Variants in SYNPR observed in about 807,000 individuals in gnomAD.
SYNPR encodes the protein synaptoporin.
SYNPR carries 23 observed loss-of-function variants against 32.9 expected under a neutral mutation model. The observed-to-expected ratio is 0.70, with a 90% CI of 0.50 to 0.99. The LOEUF (loss-of-function observed/expected upper bound fraction) is 0.99, where lower values mean the gene tolerates loss of function less well. Ranked by LOEUF, SYNPR falls within the 50% of genes least tolerant of loss-of-function variation. The pLI is 0.00. For synonymous variants in SYNPR, 146 were observed against 135.9 expected, an observed-to-expected ratio of 1.07 and a Z score of -0.52; for missense variants, 318 against 349.3, an observed-to-expected ratio of 0.91 and a Z score of 0.71.
intron 2 of SYNPR, among the ~76,000 whole-genome samples, chr3:63,292,850 C>T (rs11916696): frequency 1.3e-4 from 20 of 152,262 alleles, no homozygotes; most frequent in African/African-American, 4.1e-4. Flanking sequence ...AGCAGTTCTA[C>T]GTAACTGGAA....
intron 3 of SYNPR, among the ~76,000 whole-genome samples, chr3:63,553,275 T>TG (rs1174543501): frequency 1.3e-5 from 2 of 152,204 alleles, no homozygotes; most frequent in African/African-American, 4.8e-5. Flanking sequence ...AATTTCATTC[T>TG]TTTTTTATAG....
intron 3 of SYNPR, among the ~76,000 whole-genome samples, chr3:63,490,801 T>TA (rs1559515107): frequency 6.6e-6 from 1 of 152,112 alleles, no homozygotes; most frequent in Non-Finnish European, 1.5e-5. Context: ...CTCACTCTGT[T>TA]ACCCAGGCTG....
At chr3:63,408,204 GGA>G (rs879941583) in intron 2 of SYNPR, among the ~76,000 whole-genome samples, 782 of 52,798 alleles carry the variant, frequency 0.015, 78 homozygotes, top group Middle Eastern at 0.041. Flanking sequence ...GAGGAAGGAA[GGA>G]AGGAAGGAAG....
At chr3:63,510,944 T>TGTGTGTGTGTG (rs1559521520) in intron 3 of SYNPR, among the ~76,000 whole-genome samples, 3 of 147,114 alleles carry the variant, frequency 2.0e-5, no homozygotes, top group Admixed American at 6.8e-5. Context: ...TGCGCGCACG[T>TGTGTGTGTGTG]TGTGTGTGTG....
At chr3:63,265,796 A>G (rs1460931014) in intron 2 of SYNPR, among the ~76,000 whole-genome samples, 1 of 152,174 alleles carries the variant, frequency 6.6e-6, no homozygotes, top group Non-Finnish European at 1.5e-5. Context: ...TGTTGTCCTA[A>G]TACCTAGTGA....
chr3:63,610,251 CAGTT>C (rs541298277), intron 5 of SYNPR, among the ~76,000 whole-genome samples: 9 of 152,116 alleles, frequency 5.9e-5, no homozygotes, highest in Non-Finnish European at 1.0e-4. Context: ...GAAAATCTGA[CAGTT>C]AGCAGGGACA....
At chr3:63,418,558 G>A (rs944002145) in intron 2 of SYNPR, among the ~76,000 whole-genome samples, 3 of 152,182 alleles carry the variant, frequency 2.0e-5, no homozygotes, top group African/African-American at 4.8e-5. Context: ...ACCCAAGACT[G>A]GGTAATTTAT....
intron 1 of SYNPR, among the ~76,000 whole-genome samples, chr3:63,241,846 G>A (rs1009942145): frequency 5.3e-5 from 8 of 151,996 alleles, no homozygotes; most frequent in Non-Finnish European, 1.0e-4. Context: ...AGCATACCAA[G>A]AGAATCAATA....
At chr3:63,501,076 C>A (rs1201883518) in intron 3 of SYNPR, among the ~76,000 whole-genome samples, 1 of 151,974 alleles carries the variant, frequency 6.6e-6, no homozygotes, top group Non-Finnish European at 1.5e-5. Context: ...AAAAAAATAG[C>A]CATTATTATT....
the SYNPR span, among the ~76,000 whole-genome samples, chr3:63,221,274 T>G: frequency 4.6e-5 from 7 of 152,154 alleles, no homozygotes; most frequent in East Asian, 1.4e-3. Flanking sequence ...TGATTTCACC[T>G]AGGGAAAGAA....
chr3:63,211,625 T>C, the SYNPR span, among the ~76,000 whole-genome samples: 2 of 152,138 alleles, frequency 1.3e-5, no homozygotes, highest in African/African-American at 4.8e-5. Context: ...AGGAGAAAAA[T>C]TAGCCTGCCA....
intron 2 of SYNPR, among the ~76,000 whole-genome samples, chr3:63,455,761 G>GTGTGTGTGTGTC (rs1700471330): frequency 6.7e-6 from 1 of 149,880 alleles, no homozygotes; most frequent in African/African-American, 2.5e-5. Flanking sequence ...TTTGGGGTGT[G>GTGTGTGTGTGTC]TGTGTGTGTG....
At position 63,300,121 on chromosome 3, in the gene SYNPR, C is replaced by G. The variant is rs139810944; in HGVS notation, c.84+21379C>G. On this transcript the variant is annotated intron_variant, in intron 2 of 5. Coordinates refer to ENST00000478300, the MANE Select transcript of SYNPR (RefSeq NM_001130003.2). ...TTTTTGATAATGGTTCCAAGCTTCC[C>G]TGTCAGTTTCAAAAGAGCTCTTCAC... 3.6e-3 allele frequency among the ~76,000 whole-genome samples: 546 copies of G among 152,134 alleles called. 2 individuals carry two copies. Among genetic ancestry groups the G allele is most frequent in the African/African-American group, 0.012 (479 of 41,530 alleles).
intron 3 of SYNPR, among the ~76,000 whole-genome samples, chr3:63,510,340 A>T (rs1260235847): frequency 6.6e-6 from 1 of 152,218 alleles, no homozygotes; most frequent in Non-Finnish European, 1.5e-5. Context: ...AATTTAAAAC[A>T]ATGCTGTGTT....
rs552958879 is a variant in SYNPR, at chr3:63,375,025, C to T, written c.84+96283C>T. ...TGCAAATCAAAACCACAATGAGATA[C>T]CATCTCACACCAGTTAGAATAGCGA... On this transcript the variant is annotated intron_variant, in intron 2 of 5. Coordinates refer to ENST00000478300, the MANE Select transcript of SYNPR (RefSeq NM_001130003.2). Among the ~76,000 whole-genome samples, 55 of 152,260 alleles carry T rather than the reference C, an allele frequency of 3.6e-4. No homozygotes were observed. The South Asian group carries it at 0.011, about 30-fold the overall frequency.
chr3:63,343,337 A>G (rs1206481526), intron 2 of SYNPR, among the ~76,000 whole-genome samples: 1 of 152,194 alleles, frequency 6.6e-6, no homozygotes, highest in Non-Finnish European at 1.5e-5. Flanking sequence ...TGTATGGACA[A>G]TGGATTCTAG....
chr3:63,276,620 T>TA (rs1560175989), upstream of SYNPR, among the ~76,000 whole-genome samples: 2 of 142,036 alleles, frequency 1.4e-5, no homozygotes, highest in African/African-American at 2.6e-5. Flanking sequence ...TAGTGTTAGT[T>TA]CCCCCCACCC....
At chr3:63,308,906 G>T (rs1222424748) in intron 2 of SYNPR, among the ~76,000 whole-genome samples, 2 of 151,662 alleles carry the variant, frequency 1.3e-5, no homozygotes, top group Non-Finnish European at 2.9e-5. Flanking sequence ...AAATTTTATA[G>T]TTTTCATCAA....
At chr3:63,572,737 A>G (rs1367162552) in intron 4 of SYNPR, among the ~76,000 whole-genome samples, 1 of 152,206 alleles carries the variant, frequency 6.6e-6, no homozygotes. Flanking sequence ...CCGAAGTCAA[A>G]GCCGATTTCA....
Sources: allele counts gnomAD v4.1 joint callset (sites outside exome capture counted in the v4.1 genomes callset), GRCh38; gene constraint gnomAD v4.1.1; transcripts MANE v1.5; gene names NCBI Gene and HGNC (gene_info 2026-07-23, HGNC 2026-07-21).